The following TMEM128 variants were observed in gnomAD, a reference collection of about 807,000 sequenced individuals.
The protein encoded by TMEM128 is transmembrane protein 128.
Under a neutral mutation model 19.7 loss-of-function variants are expected in TMEM128, and 16 were observed. The observed-to-expected ratio is 0.81, with a 90% CI of 0.55 to 1.23. The LOEUF (loss-of-function observed/expected upper bound fraction) is 1.23, where lower values mean the gene tolerates loss of function less well. TMEM128 is among the 50% of genes most tolerant of loss of function. TMEM128 has a pLI of 0.00. For synonymous variants in TMEM128, 98 were observed against 75.8 expected (o/e 1.29, Z -1.52); for missense variants, 237 against 200.8 (o/e 1.18, Z -1.09).
rs1411550567 is a variant in TMEM128, at chr4:4,246,291, G to A, written c.150C>T (p.Ile50=). The A allele has an allele frequency of 4.3e-6, 7 of 1,612,790 alleles. No homozygotes were observed. Among genetic ancestry groups the A allele is most frequent in the Non-Finnish European group, 5.9e-6 (7 of 1,179,486 alleles). The change falls in exon 2 of 5, where the codon ATC becomes ATT. Residue 50 remains isoleucine, a synonymous_variant. Coordinates refer to ENST00000382753, the MANE Select transcript of TMEM128 (RefSeq NM_001297551.2). ...ATGCCAAAATCCAGAATCCAGAATG[G>A]ATATTAAGTCTTGGAAGAGGTTTCT... ...KKEKPLPRLN[I]HSGFWILASI...
chr4:4,238,044 A>C (rs950332869), intron 3 of TMEM128, 109 bp from the exon 4 acceptor site: 11 of 637,926 alleles, frequency 1.7e-5, no homozygotes, highest in Non-Finnish European at 2.5e-5. Flanking sequence ...TCCAGTCAGC[A>C]ACTTTCTCTA....
chr4:4,240,294 C>T (rs200562278), intron 3 of TMEM128, 27 bp downstream of exon 3: 542 of 1,610,762 alleles, frequency 3.4e-4, no homozygotes, highest in Non-Finnish European at 4.3e-4. Flanking sequence ...TTGTTCATTC[C>T]TGTTAGTCAT....
At chr4:4,237,590 G>C (rs540346763) in intron 4 of TMEM128, among the ~76,000 whole-genome samples, 1 of 152,306 alleles carries the variant, frequency 6.6e-6, no homozygotes, top group African/African-American at 2.4e-5. Context: ...GCTGCAGTGA[G>C]CTGTGATCAT....
chr4:4,244,224 G>A (rs981188074), intron 2 of TMEM128, among the ~76,000 whole-genome samples: 12 of 152,094 alleles, frequency 7.9e-5, no homozygotes, highest in African/African-American at 1.7e-4. Flanking sequence ...ACCTGTAATC[G>A]CAGTACTTTA....
chr4:4,238,754 C>T (rs954181829), intron 3 of TMEM128, among the ~76,000 whole-genome samples: 4 of 152,094 alleles, frequency 2.6e-5, no homozygotes, highest in African/African-American at 9.7e-5. Context: ...TTCAATTAGG[C>T]CGGGGGTGGT....
intron 1 of TMEM128, 41 bp downstream of exon 1, chr4:4,248,065 T>C: frequency 4.6e-6 from 7 of 1,532,868 alleles, no homozygotes; most frequent in Non-Finnish European, 6.1e-6. Context: ...TTCCGACGCC[T>C]CGCCTCTGAG....
chr4:4,238,002 C>T (rs991480414), intron 3 of TMEM128, 67 bp from the exon 4 acceptor site: 2 of 1,057,048 alleles, frequency 1.9e-6, no homozygotes, highest in Non-Finnish European at 2.6e-6. Context: ...TTCTAGAATC[C>T]AGATTTAAAG....
intron 2 of TMEM128, 54 bp downstream of exon 2, chr4:4,246,148 T>C (rs1275113781): frequency 3.9e-6 from 6 of 1,546,518 alleles, no homozygotes; most frequent in Non-Finnish European, 4.4e-6. Flanking sequence ...TAACAAAATA[T>C]AACACGAAAA....
chr4:4,236,402 G>C (rs1467651973), intron 4 of TMEM128, 146 bp from the exon 5 acceptor site: 1 of 152,124 alleles, frequency 6.6e-6, no homozygotes, highest in East Asian at 1.9e-4. Context: ...CATTGTCTGA[G>C]TCTCCATTAC....
rs1056319381 is a variant in TMEM128 at position 4,246,276 on chromosome 4, C to A, written c.165G>T (p.Trp55Cys). ...AGGTCACAACAATGGATGCCAAAATCCAGAATCCAGAATGGATATTAAGTC... is the reference window on the plus strand; with the variant it reads ...AGGTCACAACAATGGATGCCAAAATACAGAATCCAGAATGGATATTAAGTC... ...LPRLNIHSGF[W>C]ILASIVVTYY... Residue 55 changes from tryptophan to cysteine, a missense_variant, in exon 2 of 5, where the codon TGG becomes TGT. Physicochemically the swap from Trp to Cys is radical, Grantham distance 215 (BLOSUM62 -2). Transcript: ENST00000382753. 6.2e-7 allele frequency: 1 copy of A among 1,612,852 alleles called. No individual in the cohort carries two copies. The highest frequency in any genetic ancestry group is 1.7e-5 in the Admixed American group (1 of 59,782).
intron 2 of TMEM128, among the ~76,000 whole-genome samples, 180 bp downstream of exon 2, chr4:4,246,022 T>C (rs1233644910): frequency 6.6e-6 from 1 of 152,198 alleles, no homozygotes; most frequent in South Asian, 2.1e-4. Context: ...TTATTCATCT[T>C]ATAACTAAAA....
intron 2 of TMEM128, among the ~76,000 whole-genome samples, chr4:4,244,764 G>T (rs4018329): frequency 6.6e-6 from 1 of 151,868 alleles, no homozygotes; most frequent in African/African-American, 2.4e-5. Context: ...CAGACTCTGC[G>T]CTTCCTATGG....
At chr4:4,247,289 T>C (rs1004593025) in intron 1 of TMEM128, among the ~76,000 whole-genome samples, 3 of 152,220 alleles carry the variant, frequency 2.0e-5, no homozygotes, top group African/African-American at 4.8e-5. Context: ...TGAGAATCAA[T>C]GGTCCACATC....
chr4:4,236,646 G>A (rs1014026897), intron 4 of TMEM128, among the ~76,000 whole-genome samples: 1 of 152,192 alleles, frequency 6.6e-6, no homozygotes, highest in African/African-American at 2.4e-5. Flanking sequence ...GACACAGCAA[G>A]GTGCCTGAAG....
At position 4,236,069 on chromosome 4, in the gene TMEM128, T is replaced by C. The variant is rs1391266486; in HGVS notation, c.*197A>G. 2 of 152,214 alleles carry C rather than the reference T, an allele frequency of 1.3e-5. No homozygotes were observed. Among genetic ancestry groups the C allele is most frequent in the African/African-American group, 2.4e-5 (1 of 41,466 alleles). 9.4% of individuals were successfully genotyped at this position (152,214 alleles called of 1,614,324 possible). A position where few individuals can be genotyped will look rare whatever the true frequency, so the allele number is the denominator to read the frequency against. On this transcript the variant is annotated 3_prime_UTR_variant, in exon 5 of 5. Transcript: ENST00000382753. Reference sequence around the variant, plus strand: ...ACTTCATAGCTGCAAAAACACACTGTAGCTTTTCTGTTAGGGTCTGCCATG... The same window carrying C: ...ACTTCATAGCTGCAAAAACACACTGCAGCTTTTCTGTTAGGGTCTGCCATG...
intron 4 of TMEM128, among the ~76,000 whole-genome samples, 198 bp from the exon 5 acceptor site, chr4:4,236,454 G>GT (rs1221856149): frequency 2.0e-5 from 3 of 152,140 alleles, no homozygotes; most frequent in Non-Finnish European, 2.9e-5. Context: ...CCAAACATCT[G>GT]TAAAAACTCA....
rs755848168 is a variant in TMEM128, at chr4:4,246,359, A to G, written c.98-16T>C. On this transcript the variant is annotated splice_polypyrimidine_tract_variant and intron_variant, in intron 1 of 4. Coordinates refer to ENST00000382753, the MANE Select transcript of TMEM128 (RefSeq NM_001297551.2). The stretch of plus-strand genomic sequence containing the variant: ...GTGGAGGTTTCTGCAAATAAGGGAG[A>G]TTTCAACTTATTAAGTTACCACAAT... 5 of 1,583,562 alleles carry G rather than the reference A, an allele frequency of 3.2e-6. No individual in the cohort carries two copies. In the South Asian group the frequency reaches 5.9e-5, roughly 19 times the overall value.
At chr4:4,246,580 C>G (rs1459568829) in intron 1 of TMEM128, among the ~76,000 whole-genome samples, 1 of 152,124 alleles carries the variant, frequency 6.6e-6, no homozygotes, top group African/African-American at 2.4e-5. Context: ...CAAATTTACA[C>G]TTTCATCGTC....
intron 3 of TMEM128, 96 bp downstream of exon 3, chr4:4,240,225 C>A: frequency 7.8e-7 from 1 of 1,280,560 alleles, no homozygotes; most frequent in Non-Finnish European, 1.1e-6. Flanking sequence ...TCTGTTTTAA[C>A]TTTTTTTCTT....
Sources: allele counts gnomAD v4.1 joint callset (sites outside exome capture counted in the v4.1 genomes callset), GRCh38; gene constraint gnomAD v4.1.1; transcripts MANE v1.5; gene names NCBI Gene and HGNC (gene_info 2026-07-23, HGNC 2026-07-21).